Variants in DPP6 observed in about 807,000 individuals in gnomAD.
The protein encoded by DPP6 is dipeptidyl peptidase like 6.
Under a neutral mutation model 122.6 loss-of-function variants are expected in DPP6, and 69 were observed. That is an observed-to-expected ratio of 0.56 (90% CI 0.46 to 0.69). The LOEUF (loss-of-function observed/expected upper bound fraction) is 0.69. DPP6 is among the 30% of genes least tolerant of loss of function. The pLI is 0.00. For missense variants in DPP6, 928 were observed against 1,116.9 expected (o/e 0.83, Z 2.41); for synonymous variants, 418 against 433.1 (o/e 0.97, Z 0.43).
intron 2 of DPP6, among the ~76,000 whole-genome samples, chr7:154,448,928 C>A (rs1438924306): frequency 6.6e-6 from 1 of 152,028 alleles, no homozygotes; most frequent in African/African-American, 2.4e-5. Context: ...TCAATGTGGA[C>A]CAAAGACCCA....
intron 6 of DPP6, among the ~76,000 whole-genome samples, chr7:154,659,602 A>C (rs1379450371): frequency 6.6e-6 from 1 of 152,228 alleles, no homozygotes; most frequent in African/African-American, 2.4e-5. Flanking sequence ...ACAGGAAACA[A>C]ACTTGGATCC....
chr7:154,621,170 C>A (rs1342835870), intron 5 of DPP6, among the ~76,000 whole-genome samples: 1 of 152,008 alleles, frequency 6.6e-6, no homozygotes, highest in Non-Finnish European at 1.5e-5. Context: ...TCTGAGAAGT[C>A]ATTTATTTGA....
At position 154,776,515 on chromosome 7, in the gene DPP6, T is replaced by C. The variant is rs571360856; in HGVS notation, c.1136+3573T>C. ...TGGAATTTTTAGATACTTTTTTAAA[T>C]TGTTTCATTTTCATTTTCCCGCCTG... On this transcript the variant is annotated intron_variant, in intron 10 of 25. Transcript: ENST00000377770. 7.9e-5 allele frequency among the ~76,000 whole-genome samples: 12 copies of C among 152,276 alleles called. No individual in the cohort carries two copies. The South Asian group carries it at 2.5e-3, about 32-fold the overall frequency.
intron 7 of DPP6, among the ~76,000 whole-genome samples, chr7:154,685,531 G>A (rs923223224): frequency 1.3e-5 from 2 of 152,144 alleles, no homozygotes; most frequent in South Asian, 2.1e-4. Flanking sequence ...GCTTACAGGC[G>A]GGACTGGGAC....
intron 1 of DPP6, among the ~76,000 whole-genome samples, chr7:154,118,822 CT>C (rs1487778064): frequency 1.4e-5 from 2 of 147,856 alleles, no homozygotes; most frequent in Non-Finnish European, 3.0e-5. Flanking sequence ...ATGCCACCCC[CT>C]ACCCCTGCCA....
chr7:154,801,491 C>T (rs191521530), intron 13 of DPP6, 29 bp downstream of exon 13: 33 of 1,543,610 alleles, frequency 2.1e-5, no homozygotes, highest in Middle Eastern at 2.0e-4. Context: ...CGGAGCTGAA[C>T]TAGAAACTGG....
At chr7:154,129,078 A>G (rs556333328) in intron 1 of DPP6, among the ~76,000 whole-genome samples, 229 of 152,126 alleles carry the variant, frequency 1.5e-3, no homozygotes, top group African/African-American at 5.3e-3. Flanking sequence ...CCCCAAGAAG[A>G]AAAGCCTGGG....
At chr7:154,165,811 A>G (rs1797219652) in intron 1 of DPP6, among the ~76,000 whole-genome samples, 1 of 152,200 alleles carries the variant, frequency 6.6e-6, no homozygotes, top group South Asian at 2.1e-4. Context: ...TCTTCTTTTG[A>G]GAAGTATCTG....
intron 1 of DPP6, among the ~76,000 whole-genome samples, chr7:154,426,121 T>C (rs1817891340): frequency 6.6e-6 from 1 of 152,194 alleles, no homozygotes; most frequent in South Asian, 2.1e-4. Flanking sequence ...GATTTGATTC[T>C]TCATGTCATC....
intron 6 of DPP6, among the ~76,000 whole-genome samples, chr7:154,661,636 T>C (rs534953280): frequency 3.0e-4 from 45 of 149,040 alleles, no homozygotes; most frequent in African/African-American, 1.1e-3. Flanking sequence ...GTATTGGCCG[T>C]AGTATTCATA....
At chr7:154,207,294 C>T (rs991938877) in intron 1 of DPP6, among the ~76,000 whole-genome samples, 5 of 152,084 alleles carry the variant, frequency 3.3e-5, no homozygotes, top group East Asian at 3.9e-4. Flanking sequence ...ATTGTAATGC[C>T]GTTGGTGTCC....
chr7:154,697,490 G>T (rs893129447), intron 7 of DPP6, among the ~76,000 whole-genome samples: 1 of 152,190 alleles, frequency 6.6e-6, no homozygotes, highest in African/African-American at 2.4e-5. Context: ...GCCTCTCATC[G>T]GGCCCCTTGG....
chr7:153,862,499 A>T, the DPP6 span, among the ~76,000 whole-genome samples: 1,892 of 152,360 alleles, frequency 0.012, 44 homozygotes, highest in African/African-American at 0.039. Context: ...CTGATGTTAC[A>T]GAACAGCCTC....
the DPP6 span, among the ~76,000 whole-genome samples, chr7:153,855,443 T>G: frequency 4.6e-5 from 7 of 152,332 alleles, no homozygotes; most frequent in East Asian, 9.6e-4. Flanking sequence ...TTTAAAATAA[T>G]CCACTGCGTG....
intron 1 of DPP6, 106 bp downstream of exon 1, chr7:154,053,169 C>T (rs557087357): frequency 8.7e-6 from 7 of 801,162 alleles, no homozygotes; most frequent in Non-Finnish European, 1.1e-5. Context: ...ATCAGGCGCC[C>T]TCCCCCCGCC....
chr7:154,216,259 C>T (rs918037318), intron 1 of DPP6, among the ~76,000 whole-genome samples: 14 of 152,314 alleles, frequency 9.2e-5, no homozygotes, highest in East Asian at 1.9e-4. Context: ...TCATCCCCGG[C>T]GGACATGCCC....
At chr7:154,271,186 A>G (rs1803763485) in intron 1 of DPP6, among the ~76,000 whole-genome samples, 1 of 152,172 alleles carries the variant, frequency 6.6e-6, no homozygotes, top group Admixed American at 6.5e-5. Context: ...ATGTAAACTG[A>G]CTATTGTCCA....
At chr7:153,963,386 C>G (rs1795461189) in intron 1 of DPP6, among the ~76,000 whole-genome samples, 1 of 148,064 alleles carries the variant, frequency 6.8e-6, no homozygotes, top group Admixed American at 6.7e-5. Flanking sequence ...AAGTAAAAAA[C>G]CCGAGAAAAC....
At chr7:154,539,588 A>G (rs1475481258) in intron 3 of DPP6, among the ~76,000 whole-genome samples, 1 of 152,028 alleles carries the variant, frequency 6.6e-6, no homozygotes, top group Non-Finnish European at 1.5e-5. Flanking sequence ...ATATGTAACA[A>G]ACCTGCATGT....
Sources: allele counts gnomAD v4.1 joint callset (sites outside exome capture counted in the v4.1 genomes callset), GRCh38; gene constraint gnomAD v4.1.1; transcripts MANE v1.5; gene names NCBI Gene and HGNC (gene_info 2026-07-23, HGNC 2026-07-21).